Variants in PRR16 observed in about 807,000 individuals in gnomAD.
PRR16 encodes the protein protein Largen.
In PRR16, 6 loss-of-function variants were observed where a neutral mutation model predicts 18.2. That is an observed-to-expected ratio of 0.33 (90% CI 0.18 to 0.65). The LOEUF (loss-of-function observed/expected upper bound fraction) is 0.65. Ranked by LOEUF, PRR16 falls within the 30% of genes least tolerant of loss-of-function variation. PRR16 has a pLI of 0.74. For missense variants in PRR16, 412 were observed against 376.6 expected (o/e 1.09, Z -0.78); for synonymous variants, 151 against 147.8 (o/e 1.02, Z -0.16).
At chr5:120,790,518 T>C in the PRR16 span, 1 of 152,248 alleles carries the variant, frequency 6.6e-6, no homozygotes, top group Non-Finnish European at 1.5e-5. Context: ...TTAGGACGAA[T>C]GTTGCTGTTT....
rs1757105262 is a variant in PRR16 at position 120,685,997 on chromosome 5, A to T, written c.203A>T (p.Glu68Val). The T allele has an allele frequency of 6.2e-7, 1 of 1,613,976 alleles. No individual in the cohort carries two copies. The highest frequency in any genetic ancestry group is 1.3e-5 in the African/African-American group (1 of 74,934). Residue 68 changes from glutamate (E) to valine (V), a missense_variant, in exon 2 of 2, where the codon GAG becomes GTG. By Grantham distance (121) the Glu-to-Val change is moderately radical (BLOSUM62 -2). Transcript: ENST00000407149. Reference sequence around the variant, plus strand: ...ACCCTGACCTCTGACCTACAGCTGGAGGATGAGATGACTGACAGCTCCAAA... The same window carrying T: ...ACCCTGACCTCTGACCTACAGCTGGTGGATGAGATGACTGACAGCTCCAAA... ...IDTLTSDLQL[E>V]DEMTDSSKTD...
chr5:120,660,450 C>A (rs1756137549), intron 1 of PRR16, among the ~76,000 whole-genome samples: 1 of 152,028 alleles, frequency 6.6e-6, no homozygotes, highest in Non-Finnish European at 1.5e-5. Context: ...AAAACTTTTC[C>A]ATGGTAAGGC....
chr5:120,646,530 T>G (rs764567871), intron 1 of PRR16, among the ~76,000 whole-genome samples: 7 of 152,024 alleles, frequency 4.6e-5, no homozygotes, highest in Admixed American at 2.0e-4. Context: ...GAATCTACGC[T>G]GGGATTACAG....
intron 1 of PRR16, among the ~76,000 whole-genome samples, chr5:120,633,709 T>C (rs991356386): frequency 1.3e-5 from 2 of 148,686 alleles, no homozygotes; most frequent in African/African-American, 4.9e-5. Flanking sequence ...AAACTGGAGG[T>C]CCCAAATTTG....
At chr5:120,579,724 C>T (rs1273644379) in intron 1 of PRR16, among the ~76,000 whole-genome samples, 1 of 152,060 alleles carries the variant, frequency 6.6e-6, no homozygotes, top group Admixed American at 6.6e-5. Flanking sequence ...CTGTATGGGG[C>T]CTTCTTTAAT....
chr5:120,760,477 T>G, the PRR16 span, among the ~76,000 whole-genome samples: 1 of 152,118 alleles, frequency 6.6e-6, no homozygotes. Flanking sequence ...ATTTATAAAA[T>G]TTTGGTAGTT....
At position 120,667,306 on chromosome 5, in the gene PRR16, T is replaced by G. The variant is rs569947489; in HGVS notation, c.160-18648T>G. 2.2e-3 allele frequency among the ~76,000 whole-genome samples: 323 copies of G among 149,264 alleles called. 1 individual carries two copies. Among genetic ancestry groups the G allele is most frequent in the Middle Eastern group, 6.9e-3 (2 of 288 alleles). The stretch of plus-strand genomic sequence containing the variant: ...CTGTGGGATCAGTGGTGATATCCCC[T>G]TTATCATTTTTTATTGTGTCTATTT... On this transcript the variant is annotated intron_variant, in intron 1 of 1. Coordinates refer to ENST00000407149, the MANE Select transcript of PRR16 (RefSeq NM_001300783.2).
At chr5:120,733,304 T>C in the PRR16 span, among the ~76,000 whole-genome samples, 3 of 151,946 alleles carry the variant, frequency 2.0e-5, no homozygotes, top group Admixed American at 2.0e-4. Context: ...GAGTGTGCCA[T>C]CATGCCCATT....
At chr5:120,701,243 A>G in the PRR16 span, among the ~76,000 whole-genome samples, 463 of 152,172 alleles carry the variant, frequency 3.0e-3, 6 homozygotes, top group African/African-American at 1.0e-2. Flanking sequence ...TTTGAGGGCC[A>G]GAATTTAATT....
intron 1 of PRR16, among the ~76,000 whole-genome samples, chr5:120,564,317 G>A (rs1029991180): frequency 1.3e-5 from 2 of 152,008 alleles, no homozygotes; most frequent in African/African-American, 4.8e-5. Context: ...CCCAACACTA[G>A]ACTTTGCCTA....
chr5:120,557,214 C>G (rs1372564398), intron 1 of PRR16, among the ~76,000 whole-genome samples: 1 of 151,734 alleles, frequency 6.6e-6, no homozygotes, highest in East Asian at 1.9e-4. Flanking sequence ...TCTGTCTTTT[C>G]TGAGGTATTG....
the PRR16 span, among the ~76,000 whole-genome samples, chr5:120,772,738 C>T: frequency 9.2e-5 from 14 of 152,174 alleles, no homozygotes; most frequent in East Asian, 2.7e-3. Context: ...TTGTTAAGTT[C>T]ACATCAGACT....
the PRR16 span, among the ~76,000 whole-genome samples, chr5:120,764,515 T>A: frequency 6.6e-6 from 1 of 152,096 alleles, no homozygotes; most frequent in Admixed American, 6.6e-5. Context: ...CCTGTAGTTT[T>A]ATCGCTGTGT....
chr5:120,639,141 T>A (rs1182127981), intron 1 of PRR16, among the ~76,000 whole-genome samples: 2 of 152,120 alleles, frequency 1.3e-5, no homozygotes, highest in African/African-American at 4.8e-5. Context: ...TGTTGCTTAG[T>A]CATCTTATGT....
At chr5:120,486,708 T>G (rs1184956690) in intron 1 of PRR16, among the ~76,000 whole-genome samples, 2 of 152,184 alleles carry the variant, frequency 1.3e-5, no homozygotes, top group African/African-American at 4.8e-5. Context: ...GTTTTAGACA[T>G]GAAGTCCTTG....
downstream of PRR16, among the ~76,000 whole-genome samples, chr5:120,688,564 A>T (rs1245988110): frequency 6.6e-6 from 1 of 152,186 alleles, no homozygotes; most frequent in Non-Finnish European, 1.5e-5. Context: ...GGGTTTTATC[A>T]TATTTCTAGG....
chr5:120,509,320 G>A (rs1469962362), intron 1 of PRR16, among the ~76,000 whole-genome samples: 1 of 152,046 alleles, frequency 6.6e-6, no homozygotes, highest in African/African-American at 2.4e-5. Flanking sequence ...CTGTAGAACT[G>A]TTTACAACCA....
chr5:120,667,857 G>T (rs1389367071), intron 1 of PRR16, among the ~76,000 whole-genome samples: 1 of 152,126 alleles, frequency 6.6e-6, no homozygotes, highest in Admixed American at 6.5e-5. Context: ...CATTTGCTGA[G>T]GAGAGCTTTA....
chr5:120,717,794 A>G, the PRR16 span, among the ~76,000 whole-genome samples: 1 of 152,206 alleles, frequency 6.6e-6, no homozygotes, highest in African/African-American at 2.4e-5. Context: ...TAGAATGAAG[A>G]GACTGTTAAT....
Sources: allele counts gnomAD v4.1 joint callset (sites outside exome capture counted in the v4.1 genomes callset), GRCh38; gene constraint gnomAD v4.1.1; transcripts MANE v1.5; gene names NCBI Gene and HGNC (gene_info 2026-07-23, HGNC 2026-07-21).